TNR: variants seen among roughly 807,000 people sequenced by gnomAD.
TNR encodes tenascin R.
A neutral mutation model predicts 150.4 loss-of-function variants in TNR; 45 were observed. The observed-to-expected ratio is 0.30, with a 90% confidence interval of 0.24 to 0.38. TNR has a LOEUF of 0.38. TNR is among the 10% of genes least tolerant of loss of function. The probability of loss-of-function intolerance (pLI) is 1.00; values close to 1 mark genes in which losing one functional copy is unlikely to be tolerated. For synonymous variants in TNR, 687 were observed against 678.4 expected, an observed-to-expected ratio of 1.01 and a Z score of -0.20; for missense variants, 1,544 against 1,759.1, an observed-to-expected ratio of 0.88 and a Z score of 2.19.
At chr1:175,579,426 C>T (rs914899406) in intron 1 of TNR, among the ~76,000 whole-genome samples, 4 of 151,702 alleles carry the variant, frequency 2.6e-5, no homozygotes, top group African/African-American at 9.7e-5. Flanking sequence ...AGGTTCAATA[C>T]GGAAGATAGG....
At position 175,403,281 on chromosome 1, in the gene TNR, C is replaced by G. The variant is rs751249645; in HGVS notation, c.835G>C (p.Gly279Arg). 6 of 1,614,046 alleles carry G rather than the reference C, an allele frequency of 3.7e-6. No homozygotes were observed. The highest frequency in any genetic ancestry group is 1.3e-5 in the African/African-American group (1 of 74,926). The change falls in exon 4 of 23, where the codon GGT becomes CGT. Residue 279 changes from glycine (G) to arginine (R), a missense_variant. Physicochemically the swap from Gly to Arg is moderately radical, Grantham distance 125. Around this residue, in one of 2 missense-constraint regions of TNR, gnomAD observed 1,254 missense variants for 1,329.4 expected, o/e 0.94. Coordinates refer to ENST00000367674, the MANE Select transcript of TNR (RefSeq NM_003285.3). ...TAGCCCTCCTCGCATAAACAGGTAC[C>G]GTTGGCACATCTCCCCTTCCCCGAA... Reference protein sequence around the residue: ...DCSGKGRCANGTCLCEEGYVG... With the variant: ...DCSGKGRCANRTCLCEEGYVG...
chr1:175,596,676 C>T lies in TNR; in HGVS notation c.-164-68307G>A, dbSNP rs377608614. ...AAAAATCAGCCTCCGTTCAGCAACA[C>T]TTGAATGGTGGCTTCAAACATTAGA... On this transcript the variant is annotated intron_variant, in intron 1 of 22. Coordinates refer to ENST00000367674, the MANE Select transcript of TNR (RefSeq NM_003285.3). 4.6e-5 allele frequency among the ~76,000 whole-genome samples: 7 copies of T among 152,316 alleles called. No individual in the cohort carries two copies. The East Asian group carries it at 9.6e-4, about 21-fold the overall frequency.
intron 1 of TNR, among the ~76,000 whole-genome samples, chr1:175,691,607 A>G (rs1666370973): frequency 6.6e-6 from 1 of 151,750 alleles, no homozygotes; most frequent in African/African-American, 2.4e-5. Flanking sequence ...ACAGGTACTG[A>G]CTGAGTTCTC....
chr1:175,425,114 T>C (rs1654915141), intron 2 of TNR, among the ~76,000 whole-genome samples: 1 of 151,976 alleles, frequency 6.6e-6, no homozygotes, highest in Non-Finnish European at 1.5e-5. Flanking sequence ...GTCGAAGACC[T>C]TATATTAAGA....
intron 2 of TNR, among the ~76,000 whole-genome samples, chr1:175,471,210 T>G (rs1229603780): frequency 6.6e-6 from 1 of 152,234 alleles, no homozygotes; most frequent in African/African-American, 2.4e-5. Flanking sequence ...TGTCCTTCCC[T>G]GCCCATCTCT....
chr1:175,722,122 C>G (rs1022642688), intron 1 of TNR, among the ~76,000 whole-genome samples: 6 of 152,114 alleles, frequency 3.9e-5, no homozygotes, highest in African/African-American at 9.7e-5. Flanking sequence ...CTGGCCTGGT[C>G]CCCTTGGGCG....
intron 2 of TNR, among the ~76,000 whole-genome samples, chr1:175,455,457 A>G (rs946027517): frequency 3.9e-5 from 6 of 152,256 alleles, no homozygotes; most frequent in South Asian, 2.1e-4. Context: ...CCCCTTTCAA[A>G]AGAAAGATCC....
chr1:175,649,107 C>G (rs1381766658), intron 1 of TNR, among the ~76,000 whole-genome samples: 1 of 152,240 alleles, frequency 6.6e-6, no homozygotes, highest in Non-Finnish European at 1.5e-5. Context: ...TGGCTGCCCA[C>G]AGCATGAGGA....
chr1:175,712,727 A>C (rs982115302), intron 1 of TNR, among the ~76,000 whole-genome samples: 3 of 152,066 alleles, frequency 2.0e-5, no homozygotes, highest in South Asian at 4.2e-4. Flanking sequence ...CTGCTCTGCC[A>C]TGTAAAGTGC....
chr1:175,729,415 C>T (rs572561576), intron 1 of TNR, among the ~76,000 whole-genome samples: 1 of 72,586 alleles, frequency 1.4e-5, no homozygotes, highest in East Asian at 4.0e-4. Flanking sequence ...GGTGTAAGGC[C>T]TCTCTCTCTC....
chr1:175,516,495 G>A (rs1485221816), intron 2 of TNR, among the ~76,000 whole-genome samples: 1 of 152,202 alleles, frequency 6.6e-6, no homozygotes, highest in Non-Finnish European at 1.5e-5. Context: ...GGGGACCAAG[G>A]AGAGAGGGAG....
At chr1:175,534,096 T>G (rs900462998) in intron 1 of TNR, among the ~76,000 whole-genome samples, 2 of 152,126 alleles carry the variant, frequency 1.3e-5, no homozygotes, top group Non-Finnish European at 2.9e-5. Flanking sequence ...ATCCAGGAGG[T>G]GCAGCAAATC....
intron 1 of TNR, among the ~76,000 whole-genome samples, chr1:175,653,702 A>G (rs1357098202): frequency 1.3e-5 from 2 of 152,248 alleles, no homozygotes; most frequent in East Asian, 1.9e-4. Context: ...TATAGAACAC[A>G]TACAGATATC....
chr1:175,675,865 G>T (rs146797125), intron 1 of TNR, among the ~76,000 whole-genome samples: 71 of 152,106 alleles, frequency 4.7e-4, no homozygotes, highest in African/African-American at 1.6e-3. Flanking sequence ...CTGGGCTGGT[G>T]TTCTGTGACT....
At chr1:175,392,793 T>A (rs554417349) in intron 6 of TNR, among the ~76,000 whole-genome samples, 1 of 152,310 alleles carries the variant, frequency 6.6e-6, no homozygotes, top group East Asian at 1.9e-4. Context: ...ACTAGCTGTA[T>A]GATGTCCTTC....
intron 1 of TNR, among the ~76,000 whole-genome samples, chr1:175,560,527 G>T (rs1345408967): frequency 6.6e-6 from 1 of 152,198 alleles, no homozygotes. Flanking sequence ...TAGCAATCTG[G>T]TGGAATATGG....
At chr1:175,496,626 C>A (rs1289912780) in intron 2 of TNR, among the ~76,000 whole-genome samples, 1 of 152,094 alleles carries the variant, frequency 6.6e-6, no homozygotes, top group African/African-American at 2.4e-5. Flanking sequence ...TTCATCTCAC[C>A]CCCTACAAGA....
At chr1:175,331,165 C>CTT (rs1557868608) in intron 20 of TNR, among the ~76,000 whole-genome samples, 8 of 37,632 alleles carry the variant, frequency 2.1e-4, no homozygotes, top group East Asian at 8.7e-4. Flanking sequence ...CTTTTTCTTT[C>CTT]CTTCCTTCCT....
intron 1 of TNR, among the ~76,000 whole-genome samples, chr1:175,648,682 G>GTCTT (rs1385674972): frequency 3.3e-5 from 5 of 152,070 alleles, no homozygotes; most frequent in African/African-American, 9.7e-5. Flanking sequence ...AGCAAACTCA[G>GTCTT]TCTTCTCCCA....
Sources: allele counts gnomAD v4.1 joint callset (sites outside exome capture counted in the v4.1 genomes callset), GRCh38; gene constraint gnomAD v4.1.1; regional missense constraint gnomAD v4.1.1; transcripts MANE v1.5; gene names NCBI Gene and HGNC (gene_info 2026-07-23, HGNC 2026-07-21).